Variants in HPCAL1 observed in about 807,000 individuals in gnomAD.
HPCAL1 encodes the protein hippocalcin like 1, also known as hippocalcin-like protein 1.
Under a neutral mutation model 17.1 loss-of-function variants are expected in HPCAL1, and 8 were observed. That is an observed-to-expected ratio of 0.47 (90% CI 0.27 to 0.84). The LOEUF (loss-of-function observed/expected upper bound fraction) is 0.84, where lower values mean the gene tolerates loss of function less well. Among genes scored for constraint, HPCAL1 ranks in the 40% least tolerant of loss-of-function variants. The pLI, the probability that HPCAL1 is intolerant of heterozygous loss-of-function variation, is 0.13. For missense variants in HPCAL1, 165 were observed against 271.1 expected (o/e 0.61, Z 2.75); for synonymous variants, 112 against 111.4 (o/e 1.01, Z -0.03).
Position 10,311,441 on chromosome 2 carries a change from T to G in HPCAL1, c.-111+8264T>G, listed in dbSNP as rs1450506604. Among the ~76,000 whole-genome samples the G allele has an allele frequency of 3.9e-5, 6 of 152,346 alleles. No homozygotes were observed. In the East Asian group the frequency reaches 1.2e-3, roughly 29 times the overall value. Reference sequence around the variant, plus strand: ...TTATTTCTTAGGAGGTGCTTTCCCCTCTTCTTTCTGAAGACATCCAGGGAT... The same window carrying G: ...TTATTTCTTAGGAGGTGCTTTCCCCGCTTCTTTCTGAAGACATCCAGGGAT... On this transcript the variant is annotated intron_variant, in intron 1 of 4. Transcript: ENST00000307845.
At chr2:10,385,688 G>T (rs924917179) in intron 1 of HPCAL1, among the ~76,000 whole-genome samples, 5 of 152,162 alleles carry the variant, frequency 3.3e-5, no homozygotes, top group Non-Finnish European at 4.4e-5. Flanking sequence ...TGTTTGTGGC[G>T]CGACGGCTGC....
chr2:10,325,283 G>A (rs1026507460), intron 1 of HPCAL1, among the ~76,000 whole-genome samples: 2 of 152,192 alleles, frequency 1.3e-5, no homozygotes, highest in African/African-American at 2.4e-5. Context: ...TCCCGACATC[G>A]TAATTACATT....
At chr2:10,356,091 A>G (rs780108044) in intron 1 of HPCAL1, among the ~76,000 whole-genome samples, 4 of 152,168 alleles carry the variant, frequency 2.6e-5, no homozygotes, top group Non-Finnish European at 5.9e-5. Context: ...GGGAACCGCC[A>G]GTTCATTTAT....
chr2:10,356,830 C>T (rs1254629456), intron 1 of HPCAL1, among the ~76,000 whole-genome samples: 1 of 152,228 alleles, frequency 6.6e-6, no homozygotes, highest in Non-Finnish European at 1.5e-5. Context: ...CCTGTGCATT[C>T]TCCCACAGAC....
At chr2:10,400,255 C>G (rs980752472) in intron 2 of HPCAL1, among the ~76,000 whole-genome samples, 4 of 152,194 alleles carry the variant, frequency 2.6e-5, no homozygotes, top group Non-Finnish European at 5.9e-5. Flanking sequence ...GCTGGCAACC[C>G]CGACCGCTGA....
At chr2:10,325,928 T>G (rs558741433) in intron 1 of HPCAL1, among the ~76,000 whole-genome samples, 4 of 152,066 alleles carry the variant, frequency 2.6e-5, no homozygotes, top group Non-Finnish European at 5.9e-5. Flanking sequence ...TGTTGGGAAA[T>G]GAGGAAGCAG....
chr2:10,313,089 A>G (rs971086833), intron 1 of HPCAL1, among the ~76,000 whole-genome samples: 1 of 152,182 alleles, frequency 6.6e-6, no homozygotes, highest in African/African-American at 2.4e-5. Context: ...TAGAGAACCC[A>G]AGTGGATGAT....
chr2:10,347,672 A>G (rs1665556679), intron 1 of HPCAL1, among the ~76,000 whole-genome samples: 1 of 152,168 alleles, frequency 6.6e-6, no homozygotes, highest in Non-Finnish European at 1.5e-5. Flanking sequence ...ACACTCCAGC[A>G]GCAGCCTTTC....
intron 1 of HPCAL1, among the ~76,000 whole-genome samples, chr2:10,329,519 G>A (rs1346785247): frequency 6.6e-6 from 1 of 152,232 alleles, no homozygotes; most frequent in Non-Finnish European, 1.5e-5. Context: ...GGCTGGAAAA[G>A]GCAAGGGAAC....
intron 1 of HPCAL1, among the ~76,000 whole-genome samples, chr2:10,321,953 G>T (rs1417476003): frequency 6.6e-6 from 1 of 152,190 alleles, no homozygotes; most frequent in East Asian, 1.9e-4. Flanking sequence ...AAGCGTGCAA[G>T]TTTTTTGTGG....
At chr2:10,393,044 G>A (rs1343251445) in intron 1 of HPCAL1, among the ~76,000 whole-genome samples, 2 of 152,240 alleles carry the variant, frequency 1.3e-5, no homozygotes, top group East Asian at 3.8e-4. Context: ...TGGAGCAGTA[G>A]ATCTGTGCCC....
intron 1 of HPCAL1, among the ~76,000 whole-genome samples, chr2:10,305,499 C>T (rs1572598694): frequency 6.6e-6 from 1 of 152,300 alleles, no homozygotes; most frequent in Middle Eastern, 3.4e-3. Context: ...GTGGCACATT[C>T]TAGCCTTGCC....
At chr2:10,402,721 C>T (rs1341323717) in intron 2 of HPCAL1, among the ~76,000 whole-genome samples, 1 of 151,180 alleles carries the variant, frequency 6.6e-6, no homozygotes, top group Non-Finnish European at 1.5e-5. Flanking sequence ...CTGGAGGTTC[C>T]CTTCCAAATT....
Position 10,334,776 on chromosome 2 carries a change from C to T in HPCAL1, c.-111+31599C>T, listed in dbSNP as rs933269878. On this transcript the variant is annotated intron_variant, in intron 1 of 4. Transcript: ENST00000307845. ...TCTCGGCTCATTGCAACTTCCACCTCCCAGGCTCAAGCAATCTTCCCACCT... is the reference window on the plus strand; with the variant it reads ...TCTCGGCTCATTGCAACTTCCACCTTCCAGGCTCAAGCAATCTTCCCACCT... Among the ~76,000 whole-genome samples the T allele has an allele frequency of 6.7e-5, 10 of 149,778 alleles. 1 individual carries two copies. Among genetic ancestry groups the T allele is most frequent in the Admixed American group, 6.7e-5 (1 of 14,954 alleles).
chr2:10,364,050 T>C (rs938345268), intron 1 of HPCAL1, among the ~76,000 whole-genome samples: 3 of 152,114 alleles, frequency 2.0e-5, no homozygotes, highest in Admixed American at 2.0e-4. Flanking sequence ...GGGGTGGACC[T>C]TGGGAGTGGG....
Position 10,367,002 on chromosome 2 carries a change from C to T in HPCAL1, c.-110-29833C>T, listed in dbSNP as rs149073509. ...TGTTGGGACAAAGACGTTGGCTGGG[C>T]GAGGAGGCTGCCTGAGATCCCACAG... On this transcript the variant is annotated intron_variant, in intron 1 of 4. Transcript: ENST00000307845. This position sits in a 1 kb window ranked among gnomAD's most constrained non-coding sequence, Gnocchi z 4.4. Among the ~76,000 whole-genome samples the T allele has an allele frequency of 9.9e-5, 15 of 152,162 alleles. No individual in the cohort carries two copies. The highest frequency in any genetic ancestry group is 9.8e-4 in the Admixed American group (15 of 15,280).
chr2:10,391,501 A>T (rs995224055), intron 1 of HPCAL1, among the ~76,000 whole-genome samples: 2 of 152,246 alleles, frequency 1.3e-5, no homozygotes, highest in African/African-American at 2.4e-5. Flanking sequence ...TGTAAAGTAT[A>T]CAATTCAGTG....
chr2:10,407,953 A>G (rs1670075675), intron 2 of HPCAL1, among the ~76,000 whole-genome samples: 1 of 152,238 alleles, frequency 6.6e-6, no homozygotes, highest in African/African-American at 2.4e-5. Flanking sequence ...TGGGAAAGGC[A>G]AGCCTGAGGA....
intron 1 of HPCAL1, among the ~76,000 whole-genome samples, chr2:10,396,117 C>T (rs979349400): frequency 1.3e-5 from 2 of 152,162 alleles, no homozygotes; most frequent in African/African-American, 2.4e-5. Flanking sequence ...CCTAGACACC[C>T]GCAATGCAAA....
Sources: allele counts gnomAD v4.1 joint callset (sites outside exome capture counted in the v4.1 genomes callset), GRCh38; gene constraint gnomAD v4.1.1; non-coding constraint Gnocchi (gnomAD v3.1); transcripts MANE v1.5; gene names NCBI Gene and HGNC (gene_info 2026-07-23, HGNC 2026-07-21).